The following PXK variants were observed in gnomAD, a reference collection of about 807,000 sequenced individuals.
The protein encoded by PXK is PX domain containing serine/threonine kinase like, also known as PX domain-containing protein kinase-like protein.
Under a neutral mutation model 84.7 loss-of-function variants are expected in PXK, and 35 were observed. The observed-to-expected ratio is 0.41, with a 90% CI of 0.32 to 0.55. The LOEUF is 0.55. Ranked by LOEUF, PXK falls within the 20% of genes least tolerant of loss-of-function variation. PXK has a pLI of 0.21. For missense variants in PXK, 634 were observed against 699.7 expected, an observed-to-expected ratio of 0.91 and a Z score of 1.06; for synonymous variants, 253 against 260.8, an observed-to-expected ratio of 0.97 and a Z score of 0.29.
chr3:58,380,986 C>T (rs1057201260), intron 3 of PXK, among the ~76,000 whole-genome samples: 15 of 152,044 alleles, frequency 9.9e-5, no homozygotes, highest in African/African-American at 3.1e-4. Flanking sequence ...CGGTGGCTCA[C>T]GCCTGTAATC....
intron 1 of PXK, among the ~76,000 whole-genome samples, chr3:58,357,461 C>A (rs1194863020): frequency 6.6e-6 from 1 of 152,038 alleles, no homozygotes; most frequent in African/African-American, 2.4e-5. Flanking sequence ...TCCTGAAGGA[C>A]CTGTCTGAGG....
At chr3:58,351,393 A>ATT (rs201486291) in intron 1 of PXK, among the ~76,000 whole-genome samples, 931 of 75,982 alleles carry the variant, frequency 0.012, 9 homozygotes, top group South Asian at 0.06. Flanking sequence ...ACAGCTAGCT[A>ATT]TTTGTGTGTG....
chr3:58,351,274 A>T (rs1050629569), intron 1 of PXK, among the ~76,000 whole-genome samples: 1 of 152,014 alleles, frequency 6.6e-6, no homozygotes, highest in Non-Finnish European at 1.5e-5. Context: ...TGGTGCAATC[A>T]CGGCTCACGG....
intron 4 of PXK, among the ~76,000 whole-genome samples, chr3:58,388,995 C>T (rs2098595991): frequency 6.6e-6 from 1 of 152,008 alleles, no homozygotes; most frequent in African/African-American, 2.4e-5. Context: ...GCTTCATTTA[C>T]TCACTGCAAT....
At chr3:58,345,792 C>A (rs1405957454) in intron 1 of PXK, among the ~76,000 whole-genome samples, 1 of 152,080 alleles carries the variant, frequency 6.6e-6, no homozygotes, top group Non-Finnish European at 1.5e-5. Flanking sequence ...ATTGTTTTAT[C>A]GATATTTAAG....
intron 1 of PXK, among the ~76,000 whole-genome samples, chr3:58,343,303 T>C (rs1425779716): frequency 2.0e-5 from 3 of 152,212 alleles, no homozygotes; most frequent in African/African-American, 7.2e-5. Flanking sequence ...ATGGGTCTGC[T>C]CACACCAGAC....
intron 2 of PXK, 22 bp downstream of exon 2, chr3:58,365,946 T>G (rs2098264465): frequency 6.4e-7 from 1 of 1,563,780 alleles, no homozygotes; most frequent in Non-Finnish European, 8.7e-7. Flanking sequence ...TTTTTTTTTT[T>G]TTGTCAATTA....
chr3:58,424,652 T>C, intron 17 of PXK, 100 bp from the exon 18 acceptor site: 1 of 1,467,234 alleles, frequency 6.8e-7, no homozygotes, highest in Non-Finnish European at 9.1e-7. Flanking sequence ...GAGAAAAACA[T>C]GTGGACTCTC....
Position 58,397,780 on chromosome 3 carries a change from C to T in PXK, c.1102+58C>T, listed in dbSNP as rs1291252702. On this transcript the variant is annotated intron_variant, in intron 11 of 17. Coordinates refer to ENST00000356151, the MANE Select transcript of PXK (RefSeq NM_017771.5). This position sits in a 1 kb window ranked among gnomAD's most constrained non-coding sequence, Gnocchi z 4.7. ...CCTAGTAGTGTGCAGAGCCACTCAT[C>T]CCCTTTCCAGAGTCCAGGAAAGACC... 1.5e-6 allele frequency: 2 copies of T among 1,373,352 alleles called. No individual in the cohort carries two copies. Among genetic ancestry groups the T allele is most frequent in the African/African-American group, 1.4e-5 (1 of 70,012 alleles). The allele number at this position is 1,373,352 out of a possible 1,614,324, so 85.1% of individuals were successfully genotyped here.
intron 4 of PXK, 122 bp downstream of exon 4, chr3:58,382,822 A>G (rs950081506): frequency 2.9e-6 from 2 of 680,604 alleles, no homozygotes; most frequent in South Asian, 9.0e-5. Flanking sequence ...TTGTTATAGC[A>G]TATTATGAAT....
chr3:58,365,922 C>T lies in PXK; in HGVS notation c.151C>T (p.Gln51Ter). 6.4e-7 allele frequency: 1 copy of T among 1,557,662 alleles called. No homozygotes were observed. The highest frequency in any genetic ancestry group is 1.5e-5 in the African/African-American group (1 of 68,256). Residue 51 changes from glutamine to a stop codon, truncating the protein, a stop_gained and splice_region_variant, in exon 2 of 18, where the codon CAG becomes TAG. Transcript: ENST00000356151. LOFTEE classifies it high-confidence loss of function. Reference sequence around the variant, plus strand: ...AGGAATTTCTGTGGAAAACAGCTGGCAGGTAAGCATCTTTTTTTTTTTTTT... The same window carrying T: ...AGGAATTTCTGTGGAAAACAGCTGGTAGGTAAGCATCTTTTTTTTTTTTTT... ...QRGISVENSW[Q>*]IVRRYSDFDL...
intron 17 of PXK, among the ~76,000 whole-genome samples, chr3:58,417,845 G>T (rs1469828911): frequency 6.6e-6 from 1 of 152,134 alleles, no homozygotes; most frequent in Non-Finnish European, 1.5e-5. Flanking sequence ...CTGTTGCCTT[G>T]CTATCTGTTT....
At chr3:58,378,510 T>TGTGTGTGTGTGTGTGTG (rs1448463917) in intron 3 of PXK, among the ~76,000 whole-genome samples, 3 of 27,722 alleles carry the variant, frequency 1.1e-4, no homozygotes, top group African/African-American at 1.9e-4. Context: ...TTTTTTTTTT[T>TGTGTGTGTGTGTGTGTG]TTTGTGTGTG....
chr3:58,365,860 C>T lies in PXK; in HGVS notation c.103-14C>T, dbSNP rs2098262279. ...GTTTTATAACTGAGGTTATTCTTCC[C>T]TTCTCTTTTTAAGGAATATATTATT... On this transcript the variant is annotated splice_polypyrimidine_tract_variant and intron_variant, in intron 1 of 17. Transcript: ENST00000356151. 6.5e-7 allele frequency: 1 copy of T among 1,536,298 alleles called. No individual in the cohort carries two copies. Among genetic ancestry groups the T allele is most frequent in the Non-Finnish European group, 8.7e-7 (1 of 1,143,754 alleles).
rs143439334 is a variant in PXK at position 58,371,911 on chromosome 3, C to G, written c.201+2433C>G. 7.3e-4 allele frequency among the ~76,000 whole-genome samples: 111 copies of G among 152,150 alleles called. 3 individuals carry two copies. The East Asian group carries it at 0.016, about 22-fold the overall frequency. ...TTTTTGGCAGTGAAATAATTTAAAA[C>G]AATATCCATAAAACAGACCAAAAAG... is the stretch of plus-strand genomic sequence containing the variant. On this transcript the variant is annotated intron_variant, in intron 3 of 17. Transcript: ENST00000356151.
chr3:58,396,156 A>G (rs934245026), intron 9 of PXK, among the ~76,000 whole-genome samples: 2 of 152,178 alleles, frequency 1.3e-5, no homozygotes, highest in African/African-American at 4.8e-5. Context: ...CTAGATCAGG[A>G]TTCTCCAAGC....
intron 1 of PXK, among the ~76,000 whole-genome samples, chr3:58,352,473 C>T (rs2097952423): frequency 6.6e-6 from 1 of 152,164 alleles, no homozygotes; most frequent in African/African-American, 2.4e-5. Flanking sequence ...TTCACTTCAT[C>T]CATTTGTAGA....
rs1202343688 is a variant in PXK, at chr3:58,399,176, AT to A, written c.1103-118del. 3 of 816,304 alleles carry A rather than the reference AT, an allele frequency of 3.7e-6. No homozygotes were observed. Among genetic ancestry groups the A allele is most frequent in the Non-Finnish European group, 6.2e-6 (3 of 480,334 alleles). 50.6% of individuals were successfully genotyped at this position (816,304 alleles called of 1,614,324 possible). ...GTATGCCATCTGTCTGTGTGTGAAG[AT>A]TTTTGACACTGTCCTGATCAGCCCG... On this transcript the variant is annotated intron_variant, in intron 11 of 17. Coordinates refer to ENST00000356151, the MANE Select transcript of PXK (RefSeq NM_017771.5). The surrounding 1 kb of genome is among the most constrained non-coding windows in gnomAD (Gnocchi z 4.3).
In PXK at chr3:58,409,636, C is replaced by T. The variant is rs372002309; in HGVS notation, c.1395+18C>T. The T allele has an allele frequency of 6.3e-7, 1 of 1,589,362 alleles. No individual in the cohort carries two copies. The highest frequency in any genetic ancestry group is 8.6e-7 in the Non-Finnish European group (1 of 1,162,726). ...CTCGAAAGGTAAGCCTGCTGTCTCT[C>T]TGCAGTCCCTCTATGAGTTCTTGAG... is the stretch of plus-strand genomic sequence containing the variant. On this transcript the variant is annotated intron_variant, in intron 15 of 17. Coordinates refer to ENST00000356151, the MANE Select transcript of PXK (RefSeq NM_017771.5). The surrounding 1 kb of genome is among the most constrained non-coding windows in gnomAD (Gnocchi z 4.2).
Sources: gnomAD v4.1 joint callset for allele counts (sites outside exome capture counted in the v4.1 genomes callset) on GRCh38, gnomAD v4.1.1 for gene constraint, Gnocchi (gnomAD v3.1) non-coding constraint, MANE v1.5 for transcripts, NCBI Gene and HGNC (gene_info 2026-07-23, HGNC 2026-07-21) for gene names.